DHODH: variants seen among roughly 807,000 people sequenced by gnomAD.
DHODH encodes the protein dihydroorotate dehydrogenase (quinone), also known as dihydroorotate dehydrogenase (quinone), mitochondrial.
A neutral mutation model predicts 39.7 loss-of-function variants in DHODH; 30 were observed. That is an observed-to-expected ratio of 0.76 (90% CI 0.57 to 1.02). The LOEUF (loss-of-function observed/expected upper bound fraction) is 1.02, where lower values mean the gene tolerates loss of function less well. DHODH is among the 50% of genes least tolerant of loss of function. DHODH has a pLI of 0.00. For synonymous variants in DHODH, 222 were observed against 213.8 expected (o/e 1.04, Z -0.34); for missense variants, 531 against 520.8 (o/e 1.02, Z -0.19).
In DHODH at chr16:72,023,514, G is replaced by T. The variant is rs768200507; in HGVS notation, c.1014G>T (p.Gly338=). The T allele has an allele frequency of 1.9e-6, 3 of 1,614,022 alleles. No individual in the cohort carries two copies. In the African/African-American group the frequency reaches 4.0e-5, roughly 22 times the overall value. The part of the protein sequence containing the change: ...PIIGVGGVSS[G]QDALEKIRAG... Reference sequence around the variant, plus strand: ...TTGGGGTTGGTGGTGTGAGCAGCGGGCAGGACGCGCTGGAGAAGATCCGGG... The same window carrying T: ...TTGGGGTTGGTGGTGTGAGCAGCGGTCAGGACGCGCTGGAGAAGATCCGGG... The change falls in exon 8 of 9, where the codon GGG becomes GGT. Residue 338 remains glycine (G), a synonymous_variant. Transcript: ENST00000219240.
intron 4 of DHODH, among the ~76,000 whole-genome samples, chr16:72,018,369 C>G (rs896086537): frequency 1.4e-4 from 22 of 152,178 alleles, no homozygotes; most frequent in Non-Finnish European, 2.6e-4. Context: ...CTGAGGCACT[C>G]AGCAGTGTCA....
chr16:72,009,183 A>G, intron 1 of DHODH: 1 of 1,070,174 alleles, frequency 9.3e-7, no homozygotes, highest in Admixed American at 4.6e-5. Flanking sequence ...CTCTGTGAAA[A>G]GTTCTTAGCT....
chr16:72,013,963 G>T (rs190497377), intron 2 of DHODH, among the ~76,000 whole-genome samples: 85 of 152,302 alleles, frequency 5.6e-4, no homozygotes, highest in Non-Finnish European at 8.8e-5. Context: ...GGGAGGCTGG[G>T]GGACGTGGCT....
rs1280247454 is a variant in DHODH, at chr16:72,025,476, G to A, written c.*1277G>A. On this transcript the variant is annotated 3_prime_UTR_variant, in exon 9 of 9. Transcript: ENST00000219240. Reference sequence around the variant, plus strand: ...GCTGGGCCTCGGTCTTTTGAGTGGGGTCTGTTTACCCAGTCCCCTGTTGGT... The same window carrying A: ...GCTGGGCCTCGGTCTTTTGAGTGGGATCTGTTTACCCAGTCCCCTGTTGGT... 6.6e-6 allele frequency: 1 copy of A among 152,210 alleles called. No homozygotes were observed. Among genetic ancestry groups the A allele is most frequent in the Non-Finnish European group, 1.5e-5 (1 of 68,048 alleles). 9.4% of individuals were successfully genotyped at this position (152,210 alleles called of 1,614,324 possible). A position where few individuals can be genotyped will look rare whatever the true frequency, so the allele number is the denominator to read the frequency against.
chr16:72,008,838 G>T, intron 1 of DHODH, 53 bp downstream of exon 1: 1 of 1,552,062 alleles, frequency 6.4e-7, no homozygotes, highest in Non-Finnish European at 8.7e-7. Flanking sequence ...CGGGGAGGGC[G>T]AGAACGGAGA....
At chr16:72,020,321 G>GTGTA in intron 4 of DHODH, 1 of 111,230 alleles carries the variant, frequency 9.0e-6, no homozygotes, top group African/African-American at 4.6e-5. Context: ...ATGTGTATAT[G>GTGTA]TATATGTGTA....
At chr16:72,018,492 G>A (rs1347402756) in intron 4 of DHODH, among the ~76,000 whole-genome samples, 2 of 152,204 alleles carry the variant, frequency 1.3e-5, no homozygotes, top group Non-Finnish European at 2.9e-5. Flanking sequence ...CACAGGACTT[G>A]CATGGTTTGT....
chr16:72,010,678 T>C (rs921717996), intron 1 of DHODH, among the ~76,000 whole-genome samples: 23 of 152,226 alleles, frequency 1.5e-4, no homozygotes, highest in African/African-American at 4.1e-4. Flanking sequence ...CTGAAGCTTC[T>C]GTTTTATATT....
In DHODH at chr16:72,010,874, G is replaced by A. The variant is rs570458749; in HGVS notation, c.22-1176G>A. 4.6e-5 allele frequency among the ~76,000 whole-genome samples: 7 copies of A among 152,086 alleles called. No homozygotes were observed. The South Asian group carries it at 1.0e-3, about 23-fold the overall frequency. Reference sequence around the variant, plus strand: ...CTCCCAAGTAGCTGAGACCGCAGGCGCACCACCATGCCTGGCTAATTTTTT... The same window carrying A: ...CTCCCAAGTAGCTGAGACCGCAGGCACACCACCATGCCTGGCTAATTTTTT... On this transcript the variant is annotated intron_variant, in intron 1 of 8. Transcript: ENST00000219240.
At chr16:72,009,749 A>G (rs536489152) in intron 1 of DHODH, among the ~76,000 whole-genome samples, 53 of 151,532 alleles carry the variant, frequency 3.5e-4, no homozygotes, top group Admixed American at 7.9e-4. Context: ...TGCGTAGCTG[A>G]GATTACAGGC....
intron 6 of DHODH, 68 bp from the exon 7 acceptor site, chr16:72,023,097 C>G: frequency 1.3e-6 from 2 of 1,577,636 alleles, no homozygotes; most frequent in Non-Finnish European, 1.7e-6. Context: ...TGCCTTCGAC[C>G]TCCAGAGAAG....
At chr16:72,022,083 G>A (rs1265836627) in intron 5 of DHODH, among the ~76,000 whole-genome samples, 1 of 136,424 alleles carries the variant, frequency 7.3e-6, no homozygotes, top group Non-Finnish European at 1.5e-5. Context: ...GACAGAGTGC[G>A]ACCTTGTCTC....
chr16:72,020,973 G>T, intron 4 of DHODH, 151 bp from the exon 5 acceptor site: 1 of 756,214 alleles, frequency 1.3e-6, no homozygotes, highest in Non-Finnish European at 2.1e-6. Flanking sequence ...GGCCCAGGCC[G>T]CAGTTGAGCA....
rs2041258653 is a variant in DHODH, at chr16:72,024,486, T to C, written c.*287T>C. Reference sequence around the variant, plus strand: ...TAGGAGGAAAAAGTCATGGAAAAAATAAAGCCATTTAGAACCTGGGTTTCA... The same window carrying C: ...TAGGAGGAAAAAGTCATGGAAAAAACAAAGCCATTTAGAACCTGGGTTTCA... On this transcript the variant is annotated 3_prime_UTR_variant, in exon 9 of 9. Coordinates refer to ENST00000219240, the MANE Select transcript of DHODH (RefSeq NM_001361.5). 1 of 485,470 alleles carries C rather than the reference T, an allele frequency of 2.1e-6. No individual in the cohort carries two copies. Among genetic ancestry groups the C allele is most frequent in the African/African-American group, 2.0e-5 (1 of 51,088 alleles). 30.1% of individuals were successfully genotyped at this position (485,470 alleles called of 1,614,324 possible).
At position 72,014,640 on chromosome 16, in the gene DHODH, C is replaced by T; in HGVS notation, c.402C>T (p.Phe134=). ...AAGGAAACCCTAGACCCAGAGTCTT[C>T]CGCCTCCCTGAGGACCAAGCTGTCA... is the stretch of plus-strand genomic sequence containing the variant. ...PQEGNPRPRV[F]RLPEDQAVIN... is the part of the protein sequence containing the mutation. Residue 134 remains phenylalanine, a synonymous_variant, in exon 3 of 9, where the codon TTC becomes TTT. Transcript: ENST00000219240. 6.2e-7 allele frequency: 1 copy of T among 1,614,124 alleles called. No individual in the cohort carries two copies. Among genetic ancestry groups the T allele is most frequent in the Non-Finnish European group, 8.5e-7 (1 of 1,180,016 alleles).
chr16:72,023,648 G>A lies in DHODH; in HGVS notation c.1133+15G>A. The A allele has an allele frequency of 1.2e-6, 2 of 1,613,164 alleles. No individual in the cohort carries two copies. Among genetic ancestry groups the A allele is most frequent in the Middle Eastern group, 1.7e-4 (1 of 6,048 alleles). ...GCCCTTCTGAAGTGAGTGAGGTCATGTGTGGCTTGAAACAGAAGTTAGGCA... is the reference window on the plus strand; with the variant it reads ...GCCCTTCTGAAGTGAGTGAGGTCATATGTGGCTTGAAACAGAAGTTAGGCA... On this transcript the variant is annotated intron_variant, in intron 8 of 8. Transcript: ENST00000219240.
At position 72,024,578 on chromosome 16, in the gene DHODH, A is replaced by G. The variant is rs538197600; in HGVS notation, c.*379A>G. On this transcript the variant is annotated 3_prime_UTR_variant, in exon 9 of 9. Coordinates refer to ENST00000219240, the MANE Select transcript of DHODH (RefSeq NM_001361.5). ...CTGCAGGTCCATCCAGGCCTCTGCT[A>G]TCTGCATCTGCAGTGGGCTTCCCAG... 1.7e-4 allele frequency: 43 copies of G among 252,776 alleles called. No individual in the cohort carries two copies. The highest frequency in any genetic ancestry group is 8.0e-4 in the East Asian group (9 of 11,300). The allele number at this position is 252,776 out of a possible 1,614,324, so 15.7% of individuals were successfully genotyped here.
chr16:72,024,576 C>T lies in DHODH; in HGVS notation c.*377C>T, dbSNP rs1185790901. 3 of 260,522 alleles carry T rather than the reference C, an allele frequency of 1.2e-5. No homozygotes were observed. The highest frequency in any genetic ancestry group is 4.4e-5 in the African/African-American group (2 of 45,546). The allele number at this position is 260,522 out of a possible 1,614,324, so 16.1% of individuals were successfully genotyped here. ...TACTGCAGGTCCATCCAGGCCTCTG[C>T]TATCTGCATCTGCAGTGGGCTTCCC... is the stretch of plus-strand genomic sequence containing the variant. On this transcript the variant is annotated 3_prime_UTR_variant, in exon 9 of 9. Transcript: ENST00000219240.
intron 5 of DHODH, among the ~76,000 whole-genome samples, chr16:72,021,788 A>G (rs1443640843): frequency 6.6e-6 from 1 of 152,126 alleles, no homozygotes; most frequent in East Asian, 1.9e-4. Flanking sequence ...AAAGAGCAAG[A>G]CCCTGTCTCT....
Sources: allele counts gnomAD v4.1 joint callset (sites outside exome capture counted in the v4.1 genomes callset), GRCh38; gene constraint gnomAD v4.1.1; transcripts MANE v1.5; gene names NCBI Gene and HGNC (gene_info 2026-07-23, HGNC 2026-07-21).